ANKS1B: variants seen among roughly 807,000 people sequenced by gnomAD.
The protein encoded by ANKS1B is ankyrin repeat and sterile alpha motif domain containing 1B, also known as ankyrin repeat and sterile alpha motif domain-containing protein 1B.
In ANKS1B, 36 loss-of-function variants were observed where a neutral mutation model predicts 148.3. That is an observed-to-expected ratio of 0.24 (90% CI 0.19 to 0.32). The LOEUF (loss-of-function observed/expected upper bound fraction) is 0.32, where lower values mean the gene tolerates loss of function less well. Ranked by LOEUF, ANKS1B falls within the 10% of genes least tolerant of loss-of-function variation. ANKS1B has a pLI of 1.00. For missense variants in ANKS1B, 1,157 were observed against 1,542.6 expected (o/e 0.75, Z 4.19); for synonymous variants, 542 against 560.8 (o/e 0.97, Z 0.47).
At chr12:99,618,498 G>A (rs2098001720) in intron 9 of ANKS1B, among the ~76,000 whole-genome samples, 1 of 152,078 alleles carries the variant, frequency 6.6e-6, no homozygotes, top group Non-Finnish European at 1.5e-5. Flanking sequence ...CAGCATTCGT[G>A]AAGGACACCC....
chr12:99,505,328 A>G (rs966368178), intron 9 of ANKS1B, among the ~76,000 whole-genome samples: 1 of 152,128 alleles, frequency 6.6e-6, no homozygotes, highest in Non-Finnish European at 1.5e-5. Context: ...AAATAATAAC[A>G]TTCTTACAGT....
intron 10 of ANKS1B, among the ~76,000 whole-genome samples, chr12:99,468,632 T>C (rs1477739459): frequency 6.6e-6 from 1 of 152,114 alleles, no homozygotes; most frequent in Non-Finnish European, 1.5e-5. Flanking sequence ...GGGCAAAGGA[T>C]ATGAACAGAC....
chr12:99,049,313 C>T (rs1481562379), intron 17 of ANKS1B, among the ~76,000 whole-genome samples: 2 of 151,900 alleles, frequency 1.3e-5, no homozygotes, highest in Non-Finnish European at 2.9e-5. Context: ...CACGCACACA[C>T]ACACACACAC....
chr12:99,356,759 A>G (rs1029644983), intron 12 of ANKS1B, among the ~76,000 whole-genome samples: 1 of 152,152 alleles, frequency 6.6e-6, no homozygotes, highest in African/African-American at 2.4e-5. Context: ...ATATTTAAAC[A>G]TGAGTTCCCT....
chr12:99,357,848 T>C (rs1235549532), intron 12 of ANKS1B, among the ~76,000 whole-genome samples: 3 of 147,696 alleles, frequency 2.0e-5, no homozygotes, highest in Admixed American at 6.7e-5. Flanking sequence ...CTACAATACA[T>C]GATAAGAATG....
chr12:98,894,551 G>A lies in ANKS1B; in HGVS notation c.2779-62415C>T, dbSNP rs1037249094. 3.8e-5 allele frequency: 37 copies of A among 982,454 alleles called. No homozygotes were observed. In the Admixed American group the frequency reaches 4.3e-4, roughly 11 times the overall value. 60.9% of individuals were successfully genotyped at this position (982,454 alleles called of 1,614,324 possible). A position where few individuals can be genotyped will look rare whatever the true frequency, so the allele number is the denominator to read the frequency against. ...ACTCGGCTTCCTCCGCCTCTGCCCC[G>A]GCTGCGGCACCACTTCTTGGAGCCA... On this transcript the variant is annotated intron_variant, in intron 17 of 26. Transcript: ENST00000683438.
intron 11 of ANKS1B, among the ~76,000 whole-genome samples, chr12:99,437,538 C>T (rs907045051): frequency 6.6e-6 from 1 of 151,782 alleles, no homozygotes; most frequent in African/African-American, 2.4e-5. Context: ...TCTCAAGAGC[C>T]CCCTTCTATT....
At chr12:99,903,138 T>C (rs1003040594) in intron 1 of ANKS1B, among the ~76,000 whole-genome samples, 2 of 152,214 alleles carry the variant, frequency 1.3e-5, no homozygotes, top group African/African-American at 4.8e-5. Flanking sequence ...AAATGTTAGC[T>C]ATTATTCATG....
At chr12:99,121,351 G>GTGTGTGTGTGTGTGTGTT (rs2062823368) in intron 15 of ANKS1B, among the ~76,000 whole-genome samples, 1 of 151,238 alleles carries the variant, frequency 6.6e-6, no homozygotes, top group Non-Finnish European at 1.5e-5. Context: ...GTGTGTGTGT[G>GTGTGTGTGTGTGTGTGTT]TGTGTGTATT....
At chr12:99,470,087 C>G (rs1032760918) in intron 10 of ANKS1B, among the ~76,000 whole-genome samples, 1 of 151,358 alleles carries the variant, frequency 6.6e-6, no homozygotes. Context: ...CCACTGCACT[C>G]CAGCCTAGGT....
At chr12:99,820,740 T>C (rs2153678058) in intron 2 of ANKS1B, among the ~76,000 whole-genome samples, 1 of 152,040 alleles carries the variant, frequency 6.6e-6, no homozygotes, top group South Asian at 2.1e-4. Context: ...TGTAAACATA[T>C]GACAAATGAT....
rs189992907 is a variant in ANKS1B at position 98,995,510 on chromosome 12, T to C, written c.2778+57647A>G. 1.5e-3 allele frequency among the ~76,000 whole-genome samples: 222 copies of C among 152,288 alleles called. 2 individuals carry two copies. The highest frequency in any genetic ancestry group is 1.1e-3 in the Admixed American group (17 of 15,292). ...TGACTTGTCAAAGGTTCTACGGCAA[T>C]TAAGTAGCAGAATTGGAATGAAACC... On this transcript the variant is annotated intron_variant, in intron 17 of 26. Coordinates refer to ENST00000683438, the MANE Select transcript of ANKS1B (RefSeq NM_001352186.2).
At chr12:99,836,036 G>T (rs920234017) in intron 1 of ANKS1B, among the ~76,000 whole-genome samples, 1 of 152,178 alleles carries the variant, frequency 6.6e-6, no homozygotes, top group African/African-American at 2.4e-5. Context: ...TTACTGAAAT[G>T]TGCAAAACCA....
chr12:99,874,880 C>T (rs777923233), intron 1 of ANKS1B, among the ~76,000 whole-genome samples: 1 of 152,186 alleles, frequency 6.6e-6, no homozygotes, highest in Non-Finnish European at 1.5e-5. Context: ...AAGCACTTGA[C>T]AGAATGCCTA....
At chr12:99,315,621 A>G (rs1009426132) in intron 12 of ANKS1B, among the ~76,000 whole-genome samples, 2 of 152,240 alleles carry the variant, frequency 1.3e-5, no homozygotes, top group Middle Eastern at 3.4e-3. Flanking sequence ...AAAGTATGCC[A>G]TTTGGTGATT....
At chr12:99,433,855 A>G (rs1355111756) in intron 11 of ANKS1B, among the ~76,000 whole-genome samples, 1 of 152,168 alleles carries the variant, frequency 6.6e-6, no homozygotes, top group Non-Finnish European at 1.5e-5. Context: ...AATGAACTCC[A>G]TCAGTGAAAT....
rs914800474 is a variant in ANKS1B at position 99,085,369 on chromosome 12, T to TA, written c.2527-347dup. ...TAATAATAAAATAAAAATAAATAAA[T>TA]AAAAAAAGATCCAAAAAAAAAAACT... On this transcript the variant is annotated intron_variant, in intron 15 of 26. Coordinates refer to ENST00000683438, the MANE Select transcript of ANKS1B (RefSeq NM_001352186.2). 4.8e-5 allele frequency among the ~76,000 whole-genome samples: 7 copies of TA among 146,414 alleles called. No individual in the cohort carries two copies. In the East Asian group the frequency reaches 1.2e-3, roughly 24 times the overall value.
rs1483186342 is a variant in ANKS1B, at chr12:99,984,894, G to A, written c.-657C>T. On this transcript the variant is annotated 5_prime_UTR_variant, in exon 1 of 27. Transcript: ENST00000683438. Reference sequence around the variant, plus strand: ...GGCGCGCGGGGGGCGTGTGCGCGCGGGCAGGTGCGGCCCCTGGTGCGGCCC... The same window carrying A: ...GGCGCGCGGGGGGCGTGTGCGCGCGAGCAGGTGCGGCCCCTGGTGCGGCCC... Among the ~76,000 whole-genome samples, 2 of 149,162 alleles carry A rather than the reference G, an allele frequency of 1.3e-5. No individual in the cohort carries two copies.
At chr12:99,952,400 T>C (rs2095242810) in intron 1 of ANKS1B, among the ~76,000 whole-genome samples, 1 of 152,234 alleles carries the variant, frequency 6.6e-6, no homozygotes, top group Non-Finnish European at 1.5e-5. Context: ...ATTTTTTATG[T>C]TAGTTCATAA....
Sources: gnomAD v4.1 joint callset for allele counts (sites outside exome capture counted in the v4.1 genomes callset) on GRCh38, gnomAD v4.1.1 for gene constraint, MANE v1.5 for transcripts, NCBI Gene and HGNC (gene_info 2026-07-23, HGNC 2026-07-21) for gene names.